Variants in SFXN5 observed in about 807,000 individuals in gnomAD.
The protein encoded by SFXN5 is sideroflexin 5, also known as sideroflexin-5.
In SFXN5, 43 loss-of-function variants were observed where a neutral mutation model predicts 50.2. The ratio of observed to expected loss-of-function variants is 0.86; its 90% CI spans 0.67 to 1.11. The LOEUF (loss-of-function observed/expected upper bound fraction) is 1.11. Among genes scored for constraint, SFXN5 ranks in the 50% least tolerant of loss-of-function variants. SFXN5 has a pLI of 0.00. For missense variants in SFXN5, 463 were observed against 454.1 expected (o/e 1.02, Z -0.18); for synonymous variants, 203 against 185.8 (o/e 1.09, Z -0.75).
chr2:73,047,892 A>G (rs1246885262), intron 2 of SFXN5, among the ~76,000 whole-genome samples: 1 of 152,214 alleles, frequency 6.6e-6, no homozygotes, highest in African/African-American at 2.4e-5. Context: ...AAACAGTGAG[A>G]TTTCTGTAAG....
chr2:73,070,041 CAA>C (rs1683460116), intron 1 of SFXN5, among the ~76,000 whole-genome samples: 1 of 152,060 alleles, frequency 6.6e-6, no homozygotes, highest in South Asian at 2.1e-4. Flanking sequence ...CTCAGGTGGC[CAA>C]AGAGATGTGC....
chr2:73,030,334 C>T (rs142687934), intron 3 of SFXN5, among the ~76,000 whole-genome samples: 429 of 152,004 alleles, frequency 2.8e-3, no homozygotes, highest in African/African-American at 0.01. Context: ...CGACCAAAAC[C>T]CTTGAATGAA....
At chr2:72,966,438 G>A (rs1440380772) in intron 12 of SFXN5, among the ~76,000 whole-genome samples, 5 of 152,130 alleles carry the variant, frequency 3.3e-5, no homozygotes, top group Admixed American at 3.3e-4. Flanking sequence ...TTCACGAAGG[G>A]GCTACGTATA....
At chr2:73,046,598 G>A (rs939226400) in intron 2 of SFXN5, among the ~76,000 whole-genome samples, 5 of 152,016 alleles carry the variant, frequency 3.3e-5, no homozygotes, top group East Asian at 1.9e-4. Flanking sequence ...AGGATCTCGA[G>A]CCTGGGAGGC....
chr2:73,068,511 G>T (rs990223170), intron 1 of SFXN5, among the ~76,000 whole-genome samples: 1 of 152,110 alleles, frequency 6.6e-6, no homozygotes, highest in Non-Finnish European at 1.5e-5. Flanking sequence ...TTGCAATTTT[G>T]TAAGATCCCT....
At chr2:73,055,598 CTT>C (rs570909541) in intron 2 of SFXN5, among the ~76,000 whole-genome samples, 26 of 133,892 alleles carry the variant, frequency 1.9e-4, no homozygotes, top group Admixed American at 2.3e-4. Context: ...TTTTCTTTTT[CTT>C]TTTTTTTTTT....
intron 1 of SFXN5, chr2:73,059,558 C>A: frequency 1.0e-6 from 1 of 985,328 alleles, no homozygotes; most frequent in Non-Finnish European, 1.2e-6. Flanking sequence ...GCAATAGGCT[C>A]CAGGTCACCT....
At chr2:73,069,661 G>C (rs1683433895) in intron 1 of SFXN5, among the ~76,000 whole-genome samples, 1 of 152,176 alleles carries the variant, frequency 6.6e-6, no homozygotes, top group Admixed American at 6.5e-5. Flanking sequence ...TATGGCTGCA[G>C]GAACAGGGTA....
At chr2:73,014,607 T>C (rs1163187853) in intron 6 of SFXN5, among the ~76,000 whole-genome samples, 2 of 152,198 alleles carry the variant, frequency 1.3e-5, no homozygotes, top group African/African-American at 2.4e-5. Context: ...TGAAATTACA[T>C]TGAATATAGA....
chr2:72,974,064 C>CCA (rs1229176106), intron 10 of SFXN5, among the ~76,000 whole-genome samples: 1 of 152,218 alleles, frequency 6.6e-6, no homozygotes, highest in Non-Finnish European at 1.5e-5. Context: ...CCACCCAACC[C>CCA]CACCTTGGCT....
chr2:73,020,129 T>G, intron 6 of SFXN5, 110 bp downstream of exon 6: 1 of 1,002,616 alleles, frequency 1.0e-6, no homozygotes, highest in Non-Finnish European at 1.5e-6. Flanking sequence ...CCTCCAGGAA[T>G]TGACTTATCC....
At chr2:73,063,378 T>A (rs1682955066) in intron 1 of SFXN5, among the ~76,000 whole-genome samples, 1 of 152,094 alleles carries the variant, frequency 6.6e-6, no homozygotes, top group Non-Finnish European at 1.5e-5. Flanking sequence ...ATGGGGTGCC[T>A]TGCCAAACAA....
In SFXN5 at chr2:72,973,942, A is replaced by G. The variant is rs1670325309; in HGVS notation, c.626-2257T>C. Among the ~76,000 whole-genome samples the G allele has an allele frequency of 6.6e-6, 1 of 152,090 alleles. No individual in the cohort carries two copies. Among genetic ancestry groups the G allele is most frequent in the Non-Finnish European group, 1.5e-5 (1 of 67,996 alleles). ...GCCCTCTGATGACGCTGTCCACCAT[A>G]CCACCACCACCGCCACTCCCAGAAA... On this transcript the variant is annotated intron_variant, in intron 10 of 13. Coordinates refer to ENST00000272433, the MANE Select transcript of SFXN5 (RefSeq NM_144579.3). This position sits in a 1 kb window ranked among gnomAD's most constrained non-coding sequence, Gnocchi z 5.5.
At position 73,071,630 on chromosome 2, in the gene SFXN5, G is replaced by T; in HGVS notation, c.76C>A (p.Gln26Lys). ...ASASSDAPPF[Q>K]LGKPRFQQTS... ...TGCTGGAAGCGGGGTTTGCCCAGTT[G>T]GAAAGGAGGTGCATCGCTCGAGGCG... Residue 26 changes from glutamine to lysine, a missense_variant, in exon 1 of 14, where the codon CAA becomes AAA. Coordinates refer to ENST00000272433, the MANE Select transcript of SFXN5 (RefSeq NM_144579.3). 1 of 1,613,864 alleles carries T rather than the reference G, an allele frequency of 6.2e-7. No homozygotes were observed. Among genetic ancestry groups the T allele is most frequent in the Non-Finnish European group, 8.5e-7 (1 of 1,179,926 alleles).
intron 2 of SFXN5, among the ~76,000 whole-genome samples, chr2:73,048,246 G>C (rs1395593754): frequency 6.6e-6 from 1 of 152,092 alleles, no homozygotes; most frequent in African/African-American, 2.4e-5. Context: ...TTTTGAGACA[G>C]AGTCTCTGTC....
At chr2:72,956,756 A>T (rs940340347) in intron 13 of SFXN5, among the ~76,000 whole-genome samples, 1 of 152,120 alleles carries the variant, frequency 6.6e-6, no homozygotes. Flanking sequence ...CATAGAGGCC[A>T]TGCCTTCCCG....
intron 10 of SFXN5, 150 bp from the exon 11 acceptor site, chr2:72,971,835 A>G: frequency 1.7e-6 from 1 of 592,582 alleles, no homozygotes. Context: ...TCTGTTGTCC[A>G]TCTGCCTATC....
Position 72,971,527 on chromosome 2 carries a change from C to T in SFXN5, c.741+43G>A, listed in dbSNP as rs151132288. ...ACGCTAAAGGAAAACCACTCCCCTC[C>T]CCTGTTGCTGGCCTCCCCAACCCTG... On this transcript the variant is annotated intron_variant, in intron 11 of 13. Coordinates refer to ENST00000272433, the MANE Select transcript of SFXN5 (RefSeq NM_144579.3). 1.0e-3 allele frequency: 1,497 copies of T among 1,436,396 alleles called. 7 individuals are homozygous for T. Among genetic ancestry groups the T allele is most frequent in the South Asian group, 7.1e-3 (617 of 86,608 alleles). The allele number at this position is 1,436,396 out of a possible 1,614,324, so 89.0% of individuals were successfully genotyped here.
At chr2:73,008,588 C>T (rs1240737040) in intron 6 of SFXN5, among the ~76,000 whole-genome samples, 1 of 152,134 alleles carries the variant, frequency 6.6e-6, no homozygotes, top group African/African-American at 2.4e-5. Flanking sequence ...TCCCAGGCCA[C>T]GTGCATGGAA....
Sources: gnomAD v4.1 joint callset for allele counts (sites outside exome capture counted in the v4.1 genomes callset) on GRCh38, gnomAD v4.1.1 for gene constraint, Gnocchi (gnomAD v3.1) non-coding constraint, MANE v1.5 for transcripts, NCBI Gene and HGNC (gene_info 2026-07-23, HGNC 2026-07-21) for gene names.